ADGRD1: variants seen among roughly 807,000 people sequenced by gnomAD.
ADGRD1 encodes the protein G-protein coupled receptor 133.
In ADGRD1, 77 loss-of-function variants were observed where a neutral mutation model predicts 113.4. The ratio of observed to expected loss-of-function variants is 0.68; its 90% confidence interval spans 0.57 to 0.82. ADGRD1 has a LOEUF of 0.82. Among genes scored for constraint, ADGRD1 ranks in the 40% least tolerant of loss-of-function variants. ADGRD1 has a pLI of 0.00. For missense variants in ADGRD1, 1,036 were observed against 1,139.1 expected, an observed-to-expected ratio of 0.91 and a Z score of 1.30; for synonymous variants, 474 against 475.0, an observed-to-expected ratio of 1.00 and a Z score of 0.03.
intron 12 of ADGRD1, 54 bp downstream of exon 12, chr12:131,006,101 G>T: frequency 6.7e-7 from 1 of 1,483,842 alleles, no homozygotes. Context: ...GGTTTGCTGG[G>T]TGGCTGGCCA....
At chr12:131,128,539 ATCT>A (rs1441256211) in intron 20 of ADGRD1, among the ~76,000 whole-genome samples, 1 of 152,192 alleles carries the variant, frequency 6.6e-6, no homozygotes, top group African/African-American at 2.4e-5. Flanking sequence ...AATTTAAAGA[ATCT>A]GATTTATGAA....
intron 8 of ADGRD1, among the ~76,000 whole-genome samples, chr12:130,997,852 C>T (rs374155933): frequency 2.6e-5 from 4 of 152,190 alleles, no homozygotes; most frequent in African/African-American, 9.7e-5. Context: ...CCAAGGCAGG[C>T]GGCTGGGAGG....
At chr12:131,076,235 A>G (rs1885595493) in intron 13 of ADGRD1, among the ~76,000 whole-genome samples, 1 of 151,568 alleles carries the variant, frequency 6.6e-6, no homozygotes, top group South Asian at 2.1e-4. Context: ...TGAATGAGAC[A>G]GAAGCTCTAT....
At chr12:131,136,859 G>C in intron 22 of ADGRD1, 114 bp from the exon 23 acceptor site, 1 of 857,248 alleles carries the variant, frequency 1.2e-6, no homozygotes, top group South Asian at 1.3e-5. Context: ...CATGGGACCT[G>C]GTGTCACAGT....
At chr12:131,061,924 T>C (rs1375084651) in intron 13 of ADGRD1, among the ~76,000 whole-genome samples, 2 of 152,252 alleles carry the variant, frequency 1.3e-5, no homozygotes, top group Non-Finnish European at 2.9e-5. Context: ...CCACTCAGCA[T>C]AATGCCCATG....
chr12:130,978,628 G>A (rs576010087), intron 4 of ADGRD1: 8 of 152,256 alleles, frequency 5.3e-5, no homozygotes, highest in South Asian at 2.1e-4. Context: ...TGTTTTGTGC[G>A]TTGAGTTAAC....
intron 4 of ADGRD1, among the ~76,000 whole-genome samples, chr12:130,974,270 AG>A (rs1244659557): frequency 6.6e-6 from 1 of 152,232 alleles, no homozygotes; most frequent in African/African-American, 2.4e-5. Context: ...CAGGAGGCAG[AG>A]GAGGCCTTCT....
intron 13 of ADGRD1, among the ~76,000 whole-genome samples, chr12:131,059,067 G>A (rs1359520409): frequency 6.6e-6 from 1 of 152,090 alleles, no homozygotes; most frequent in Non-Finnish European, 1.5e-5. Flanking sequence ...TATCTCTGTT[G>A]TTCTGATTGG....
At chr12:131,093,947 CAGCACCCAGCCTCAGCACCCAGCCCTG>C (rs1473017399) in intron 15 of ADGRD1, among the ~76,000 whole-genome samples, 681 of 22,738 alleles carry the variant, frequency 0.03, 6 homozygotes, top group African/African-American at 0.064. Context: ...CCAGCCTCAG[CAGCACCCAGCCTCAGCACCCAGCCCTG>C]AGCACCCAGC....
intron 4 of ADGRD1, 148 bp from the exon 5 acceptor site, chr12:130,981,736 C>T: frequency 1.0e-5 from 6 of 585,148 alleles, no homozygotes; most frequent in South Asian, 2.6e-5. Flanking sequence ...ATATCACTGT[C>T]TGGATTTTCT....
intron 21 of ADGRD1, among the ~76,000 whole-genome samples, chr12:131,135,544 C>T (rs532592391): frequency 4.6e-5 from 7 of 152,278 alleles, no homozygotes; most frequent in Admixed American, 2.0e-4. Context: ...GCGGGGGACA[C>T]GCGGGCTGCA....
chr12:130,981,570 A>G (rs989870726), intron 4 of ADGRD1, among the ~76,000 whole-genome samples: 10 of 152,284 alleles, frequency 6.6e-5, no homozygotes, highest in African/African-American at 2.2e-4. Context: ...AGCGATCTTC[A>G]TCAGTCACTG....
rs1870378463 is a variant in ADGRD1 at position 130,961,688 on chromosome 12, G to A, written c.104-4775G>A. 1.3e-5 allele frequency among the ~76,000 whole-genome samples: 2 copies of A among 152,162 alleles called. 1 individual carries two copies. Among genetic ancestry groups the A allele is most frequent in the South Asian group, 4.1e-4 (2 of 4,830 alleles). ...AAGAATGAGACTTTCTTGCTCTGAT[G>A]AAACTTGTAGGACTATGAGTTATTT... On this transcript the variant is annotated intron_variant, in intron 2 of 24. Coordinates refer to ENST00000261654, the MANE Select transcript of ADGRD1 (RefSeq NM_198827.5).
At chr12:131,089,800 C>A (rs1208928803) in intron 15 of ADGRD1, among the ~76,000 whole-genome samples, 1 of 152,260 alleles carries the variant, frequency 6.6e-6, no homozygotes, top group Non-Finnish European at 1.5e-5. Flanking sequence ...ATAGGTGATT[C>A]CCTGAGGTCA....
intron 12 of ADGRD1, among the ~76,000 whole-genome samples, chr12:131,007,336 G>A (rs1877257609): frequency 1.3e-5 from 2 of 152,248 alleles, no homozygotes; most frequent in Admixed American, 1.3e-4. Flanking sequence ...GGGAAATGGG[G>A]GAGTGGCTGC....
At chr12:131,065,584 C>T (rs554350988) in intron 13 of ADGRD1, among the ~76,000 whole-genome samples, 38 of 152,252 alleles carry the variant, frequency 2.5e-4, no homozygotes, top group Admixed American at 6.5e-4. Flanking sequence ...TTCCCTTGTA[C>T]GGATCTCAGG....
At chr12:131,031,616 G>A (rs544284960) in intron 13 of ADGRD1, among the ~76,000 whole-genome samples, 2 of 152,074 alleles carry the variant, frequency 1.3e-5, no homozygotes, top group South Asian at 2.1e-4. Context: ...TCACCCACCT[G>A]CCCCTCCCCT....
intron 8 of ADGRD1, among the ~76,000 whole-genome samples, chr12:130,992,861 C>G (rs1874611516): frequency 6.6e-6 from 1 of 152,212 alleles, no homozygotes; most frequent in African/African-American, 2.4e-5. Flanking sequence ...GATGGTTTCT[C>G]TTTCTGCTCC....
chr12:131,021,002 A>G (rs754520408), intron 13 of ADGRD1, among the ~76,000 whole-genome samples: 1 of 152,190 alleles, frequency 6.6e-6, no homozygotes, highest in Admixed American at 6.5e-5. Context: ...AAGAAACCCT[A>G]TGTGTGGGTT....
Sources: allele counts gnomAD v4.1 joint callset (sites outside exome capture counted in the v4.1 genomes callset), GRCh38; gene constraint gnomAD v4.1.1; transcripts MANE v1.5; gene names NCBI Gene and HGNC (gene_info 2026-07-23, HGNC 2026-07-21).